The following CLTC variants were observed in gnomAD, a reference collection of about 807,000 sequenced individuals.
The protein encoded by CLTC is clathrin heavy chain.
Under a neutral mutation model 195.8 loss-of-function variants are expected in CLTC, and 16 were observed. The observed-to-expected ratio is 0.08, with a 90% CI of 0.06 to 0.12. The LOEUF (loss-of-function observed/expected upper bound fraction) is 0.12, where lower values mean the gene tolerates loss of function less well. Among genes scored for constraint, CLTC ranks in the 10% least tolerant of loss-of-function variants. The pLI is 1.00. For missense variants in CLTC, 796 were observed against 2,027.0 expected (o/e 0.39, Z 11.66); for synonymous variants, 667 against 689.4 (o/e 0.97, Z 0.51).
At chr17:59,632,629 C>T (rs1598203573) in intron 1 of CLTC, among the ~76,000 whole-genome samples, 3 of 152,084 alleles carry the variant, frequency 2.0e-5, no homozygotes. Context: ...TGCGACAGAG[C>T]GAGACTCTGT....
intron 7 of CLTC, 60 bp from the exon 8 acceptor site, chr17:59,661,383 C>T (rs1373548284): frequency 8.3e-6 from 11 of 1,331,680 alleles, no homozygotes; most frequent in South Asian, 2.4e-5. Context: ...TTTCGAAGAG[C>T]GTTTAACATT....
rs1017351768 is a variant in CLTC, at chr17:59,696,413, G to A, written c.*2561G>A. 2 of 218,712 alleles carry A rather than the reference G, an allele frequency of 9.1e-6. No individual in the cohort carries two copies. Among genetic ancestry groups the A allele is most frequent in the Non-Finnish European group, 9.2e-6 (1 of 109,022 alleles). The allele number at this position is 218,712 out of a possible 1,614,324, so 13.5% of individuals were successfully genotyped here. A position where few individuals can be genotyped will look rare whatever the true frequency, so the allele number is the denominator to read the frequency against. ...CTTATATTGCAGTTAACCATAGAGA[G>A]GTGGAGCCACTTAAAATGGGCCTAT... is the stretch of plus-strand genomic sequence containing the variant. On this transcript the variant is annotated 3_prime_UTR_variant, in exon 32 of 32. Transcript: ENST00000269122.
At chr17:59,655,636 T>A (rs921232751) in intron 5 of CLTC, among the ~76,000 whole-genome samples, 5 of 152,222 alleles carry the variant, frequency 3.3e-5, no homozygotes, top group African/African-American at 4.8e-5. Flanking sequence ...TTTTGAATTG[T>A]CTTTCCTCTT....
chr17:59,692,331 TG>T (rs1309469456), intron 31 of CLTC, among the ~76,000 whole-genome samples: 1 of 152,190 alleles, frequency 6.6e-6, no homozygotes, highest in Non-Finnish European at 1.5e-5. Flanking sequence ...AATAATAAAC[TG>T]GTTTCCAATA....
intron 14 of CLTC, among the ~76,000 whole-genome samples, chr17:59,671,782 G>A (rs1449685549): frequency 6.6e-6 from 1 of 152,118 alleles, no homozygotes; most frequent in Non-Finnish European, 1.5e-5. Context: ...CTTTGCTTGT[G>A]CCCTGTACTA....
chr17:59,641,750 C>T (rs1201959621), intron 1 of CLTC, among the ~76,000 whole-genome samples: 1 of 151,806 alleles, frequency 6.6e-6, no homozygotes, highest in African/African-American at 2.4e-5. Context: ...ATATGCATAG[C>T]TCTCTTGGTA....
chr17:59,644,185 AT>A, intron 1 of CLTC, 90 bp from the exon 2 acceptor site: 1 of 953,572 alleles, frequency 1.0e-6, no homozygotes, highest in Non-Finnish European at 1.6e-6. Context: ...TGAAGCATTA[AT>A]GTTAAGTGAG....
At chr17:59,623,326 T>C (rs2031442610) in intron 1 of CLTC, among the ~76,000 whole-genome samples, 1 of 152,200 alleles carries the variant, frequency 6.6e-6, no homozygotes, top group African/African-American at 2.4e-5. Context: ...CTGGAAGAGG[T>C]AGACTTCCTG....
At position 59,685,661 on chromosome 17, in the gene CLTC, A is replaced by G; in HGVS notation, c.4680A>G (p.Glu1560=). The change falls in exon 30 of 32, where the codon GAA becomes GAG. Residue 1560 remains glutamate (E), a synonymous_variant. Transcript: ENST00000269122. This position sits in a 1 kb window ranked among gnomAD's most constrained non-coding sequence, Gnocchi z 5.0. ...AACTCCTGCAGTGGTTTTTGCAGGAAGAAAAAAGAGAGTGCTTTGGAGCTT... is the reference window on the plus strand; with the variant it reads ...AACTCCTGCAGTGGTTTTTGCAGGAGGAAAAAAGAGAGTGCTTTGGAGCTT... ...AEELLQWFLQ[E]EKRECFGACL... is the part of the protein sequence containing the mutation. The G allele has an allele frequency of 6.2e-7, 1 of 1,614,128 alleles. No homozygotes were observed. Among genetic ancestry groups the G allele is most frequent in the South Asian group, 1.1e-5 (1 of 91,088 alleles).
At chr17:59,645,396 A>C (rs1336179601) in intron 2 of CLTC, among the ~76,000 whole-genome samples, 1 of 152,216 alleles carries the variant, frequency 6.6e-6, no homozygotes, top group Non-Finnish European at 1.5e-5. Context: ...GTGCAGCTTA[A>C]GTCTAAACAG....
chr17:59,622,765 G>C (rs2031422987), intron 1 of CLTC, among the ~76,000 whole-genome samples: 1 of 152,174 alleles, frequency 6.6e-6, no homozygotes, highest in South Asian at 2.1e-4. Flanking sequence ...AAACACGTAG[G>C]ATAAAAACTG....
At chr17:59,692,521 T>C (rs2033328535) in intron 31 of CLTC, among the ~76,000 whole-genome samples, 1 of 152,202 alleles carries the variant, frequency 6.6e-6, no homozygotes, top group South Asian at 2.1e-4. Context: ...TCTCTACAGG[T>C]CATGTTTTCT....
intron 1 of CLTC, among the ~76,000 whole-genome samples, chr17:59,638,892 ACTCCCCAC>A (rs1247742812): frequency 2.0e-5 from 3 of 151,460 alleles, no homozygotes; most frequent in African/African-American, 7.3e-5. Context: ...CCTACCTTTT[ACTCCCCAC>A]CTCCCCCTGT....
chr17:59,679,651 G>A, intron 18 of CLTC, 132 bp downstream of exon 18: 1 of 698,382 alleles, frequency 1.4e-6, no homozygotes, highest in South Asian at 5.3e-5. Flanking sequence ...CAAAGTAGAA[G>A]AAAATTAAAA....
Position 59,668,838 on chromosome 17 carries a change from A to G in CLTC, c.2190A>G (p.Lys730=). ...GCCAGGACCCAGATGTGCACTTTAAATATATTCAGGCAGCTTGCAAGACTG... is the reference window on the plus strand; with the variant it reads ...GCCAGGACCCAGATGTGCACTTTAAGTATATTCAGGCAGCTTGCAAGACTG... ...NFSQDPDVHF[K]YIQAACKTGQ... is the part of the protein sequence containing the mutation. The change falls in exon 14 of 32, where the codon AAA becomes AAG. Residue 730 remains lysine (K), a synonymous_variant. Transcript: ENST00000269122. 13 of 1,613,686 alleles carry G rather than the reference A, an allele frequency of 8.1e-6. No homozygotes were observed. The highest frequency in any genetic ancestry group is 1.1e-5 in the Non-Finnish European group (13 of 1,179,832).
intron 5 of CLTC, among the ~76,000 whole-genome samples, chr17:59,654,296 C>T (rs1219541918): frequency 6.6e-6 from 1 of 151,700 alleles, no homozygotes; most frequent in African/African-American, 2.4e-5. Context: ...GTGCCTCAGC[C>T]TCCCATGTAG....
In CLTC at chr17:59,689,647, T is replaced by C. The variant is rs578195603; in HGVS notation, c.4828-989T>C. 1.4e-4 allele frequency: 21 copies of C among 152,332 alleles called. No homozygotes were observed. In the East Asian group the frequency reaches 2.1e-3, roughly 15 times the overall value. 9.4% of individuals were successfully genotyped at this position (152,332 alleles called of 1,614,324 possible). ...TGGTTGAGAGACCAGCTTTTAAATA[T>C]TGAAAGACAAATATAGTGTAAAAGG... On this transcript the variant is annotated intron_variant, in intron 30 of 31. Transcript: ENST00000269122.
At chr17:59,661,189 T>C (rs954564375) in intron 7 of CLTC, among the ~76,000 whole-genome samples, 3 of 152,194 alleles carry the variant, frequency 2.0e-5, no homozygotes, top group African/African-American at 7.2e-5. Flanking sequence ...ATTTTTTTTT[T>C]TTTCCAAATT....
chr17:59,682,499 A>G lies in CLTC; in HGVS notation c.3600+71A>G, dbSNP rs2033100593. ...ATTAGCTTGGTAGGATCAAAACATC[A>G]TAACTGAAGAATTCCAAGGAAAAAT... On this transcript the variant is annotated intron_variant, in intron 22 of 31. Transcript: ENST00000269122. This position sits in a 1 kb window ranked among gnomAD's most constrained non-coding sequence, Gnocchi z 6.8. 3 of 1,587,538 alleles carry G rather than the reference A, an allele frequency of 1.9e-6. No homozygotes were observed. Among genetic ancestry groups the G allele is most frequent in the Non-Finnish European group, 2.6e-6 (3 of 1,163,998 alleles).
Sources: allele counts gnomAD v4.1 joint callset (sites outside exome capture counted in the v4.1 genomes callset), GRCh38; gene constraint gnomAD v4.1.1; non-coding constraint Gnocchi (gnomAD v3.1); transcripts MANE v1.5; gene names NCBI Gene and HGNC (gene_info 2026-07-23, HGNC 2026-07-21).